The following SMARCB1 variants were observed in gnomAD, a reference collection of about 807,000 sequenced individuals.
The protein encoded by SMARCB1 is SWI/SNF related BAF chromatin remodeling complex subunit B1.
In SMARCB1, 5 loss-of-function variants were observed where a neutral mutation model predicts 49.0. The observed-to-expected ratio is 0.10, with a 90% CI of 0.05 to 0.21. The LOEUF is 0.21. Ranked by LOEUF, SMARCB1 falls within the 10% of genes least tolerant of loss-of-function variation. The pLI is 1.00. For missense variants in SMARCB1, 226 were observed against 509.2 expected (o/e 0.44, Z 5.35); for synonymous variants, 201 against 200.1 (o/e 1.00, Z -0.04).
chr22:23,811,896 G>T (rs910423245), intron 5 of SMARCB1, among the ~76,000 whole-genome samples: 3 of 152,052 alleles, frequency 2.0e-5, no homozygotes, highest in Non-Finnish European at 4.4e-5. Flanking sequence ...AAAACTAGCT[G>T]GTTTTTTGAA....
intron 7 of SMARCB1, among the ~76,000 whole-genome samples, chr22:23,832,400 C>G (rs1199179161): frequency 6.6e-6 from 1 of 152,236 alleles, no homozygotes; most frequent in Non-Finnish European, 1.5e-5. Flanking sequence ...GCGCCTCCCC[C>G]GAGTCCGGCC....
Position 23,834,922 on chromosome 22 carries a change from T to TC in SMARCB1, c.*743dup, listed in dbSNP as rs1761090102. Reference sequence around the variant, plus strand: ...CTACTGCCAGCTGGGGCCTTGCTGCTCTGAAGTCCCCTGCGGAGGGCCCAG... The same window carrying TC: ...CTACTGCCAGCTGGGGCCTTGCTGCTCCTGAAGTCCCCTGCGGAGGGCCCAG... On this transcript the variant is annotated 3_prime_UTR_variant, in exon 9 of 9. Transcript: ENST00000644036. 1.2e-6 allele frequency: 2 copies of TC among 1,609,796 alleles called. No homozygotes were observed. The highest frequency in any genetic ancestry group is 2.7e-5 in the African/African-American group (2 of 74,898).
At chr22:23,790,929 G>A (rs554299698) in intron 1 of SMARCB1, among the ~76,000 whole-genome samples, 2 of 152,218 alleles carry the variant, frequency 1.3e-5, no homozygotes, top group African/African-American at 4.8e-5. Context: ...AAACATAATA[G>A]AAGTGGTCCT....
At chr22:23,803,695 G>A (rs1929318752) in intron 5 of SMARCB1, 2 of 531,502 alleles carry the variant, frequency 3.8e-6, no homozygotes, top group Non-Finnish European at 6.9e-6. Context: ...TGCATAGCAT[G>A]GATGATGATG....
chr22:23,817,800 G>A (rs1052879109), intron 6 of SMARCB1: 1 of 145,518 alleles, frequency 6.9e-6, no homozygotes, highest in African/African-American at 2.6e-5. Flanking sequence ...AACTTCCTCT[G>A]TGGTCCCCCA....
At chr22:23,830,808 C>T (rs1412606971) in intron 7 of SMARCB1, among the ~76,000 whole-genome samples, 1 of 151,782 alleles carries the variant, frequency 6.6e-6, no homozygotes, top group African/African-American at 2.4e-5. Flanking sequence ...ACTACAGGCA[C>T]CTGCCACCAC....
At position 23,798,846 on chromosome 22, in the gene SMARCB1, C is replaced by G. The variant is rs571516673; in HGVS notation, c.363-2098C>G. Among the ~76,000 whole-genome samples the G allele has an allele frequency of 5.9e-5, 9 of 152,082 alleles. No individual in the cohort carries two copies. The East Asian group carries it at 1.7e-3, about 30-fold the overall frequency. On this transcript the variant is annotated intron_variant, in intron 3 of 8. Coordinates refer to ENST00000644036, the MANE Select transcript of SMARCB1 (RefSeq NM_003073.5). Reference sequence around the variant, plus strand: ...CGGGCGGATCACAAGGTCAGGAGATCGAGACCATCCTGGCTAACAGGGTGA... The same window carrying G: ...CGGGCGGATCACAAGGTCAGGAGATGGAGACCATCCTGGCTAACAGGGTGA...
chr22:23,793,533 G>T (rs2145963464), intron 2 of SMARCB1, 26 bp from the exon 3 acceptor site: 1 of 1,613,826 alleles, frequency 6.2e-7, no homozygotes, highest in South Asian at 1.1e-5. Context: ...CCAGCAGAGT[G>T]ACCCAGTGAT....
intron 5 of SMARCB1, among the ~76,000 whole-genome samples, chr22:23,810,171 C>CAA (rs541598564): frequency 1.6e-5 from 2 of 126,126 alleles, no homozygotes; most frequent in South Asian, 4.9e-4. Flanking sequence ...GACTCCAACT[C>CAA]AAAAAAAAAA....
intron 3 of SMARCB1, among the ~76,000 whole-genome samples, chr22:23,798,973 C>G (rs1928947038): frequency 6.6e-6 from 1 of 151,740 alleles, no homozygotes; most frequent in Admixed American, 6.6e-5. Flanking sequence ...TGGCGTGAAC[C>G]CGGGAGGCAG....
chr22:23,793,463 C>T (rs1367900215), intron 2 of SMARCB1, 96 bp from the exon 3 acceptor site: 3 of 1,311,242 alleles, frequency 2.3e-6, no homozygotes, highest in African/African-American at 2.9e-5. Flanking sequence ...TTCCCACCTC[C>T]CGCATGCGAG....
intron 6 of SMARCB1, among the ~76,000 whole-genome samples, chr22:23,818,963 C>T (rs1241162895): frequency 2.0e-5 from 3 of 151,886 alleles, no homozygotes; most frequent in Non-Finnish European, 4.4e-5. Flanking sequence ...GGTGCAGCCT[C>T]CTGAGTAGCT....
rs759500700 is a variant in SMARCB1, at chr22:23,836,071, G to C, written c.*1891G>C. The C allele has an allele frequency of 1.0e-6, 1 of 985,498 alleles. No homozygotes were observed. Among genetic ancestry groups the C allele is most frequent in the Non-Finnish European group, 1.2e-6 (1 of 829,968 alleles). 61.0% of individuals were successfully genotyped at this position (985,498 alleles called of 1,614,324 possible). ...CAAGGAAAGCTGCCAGGTCAGAAGA[G>C]AAAAATGAGCCACAGGGGTCGGATA... On this transcript the variant is annotated 3_prime_UTR_variant, in exon 9 of 9. Coordinates refer to ENST00000644036, the MANE Select transcript of SMARCB1 (RefSeq NM_003073.5).
Position 23,836,033 on chromosome 22 carries a change from A to G in SMARCB1, c.*1853A>G. 1 of 985,516 alleles carries G rather than the reference A, an allele frequency of 1.0e-6. No individual in the cohort carries two copies. Among genetic ancestry groups the G allele is most frequent in the Non-Finnish European group, 1.2e-6 (1 of 829,964 alleles). The allele number at this position is 985,516 out of a possible 1,614,324, so 61.0% of individuals were successfully genotyped here. ...TCCAGAAATAAACCACAACATGGAC[A>G]GGCTTAGAACAACAAGGAAAGCTGC... On this transcript the variant is annotated 3_prime_UTR_variant, in exon 9 of 9. Transcript: ENST00000644036.
At chr22:23,806,919 CAA>C (rs61000279) in intron 5 of SMARCB1, among the ~76,000 whole-genome samples, 969 of 86,798 alleles carry the variant, frequency 0.011, 9 homozygotes, top group South Asian at 0.095. Flanking sequence ...GACTCTATCT[CAA>C]AAAAAAAAAA....
intron 6 of SMARCB1, chr22:23,824,562 T>TCGAAAAA: frequency 6.5e-6 from 1 of 153,526 alleles, no homozygotes; most frequent in Admixed American, 6.4e-5. Context: ...CAGTCTGTGT[T>TCGAAAAA]CTCTCAGCTG....
chr22:23,830,574 G>T (rs557701850), intron 7 of SMARCB1, among the ~76,000 whole-genome samples: 61 of 151,524 alleles, frequency 4.0e-4, no homozygotes, highest in African/African-American at 1.4e-3. Flanking sequence ...CTCTCATTTG[G>T]AGGATTGCCT....
At chr22:23,809,883 A>C (rs1301933630) in intron 5 of SMARCB1, among the ~76,000 whole-genome samples, 1 of 151,726 alleles carries the variant, frequency 6.6e-6, no homozygotes, top group Admixed American at 6.6e-5. Flanking sequence ...ATGAAAGAAA[A>C]CTAAGTGCTG....
rs1003469972 is a variant in SMARCB1 at position 23,786,992 on chromosome 22, C to G, written c.-178C>G. 1.8e-5 allele frequency: 9 copies of G among 500,492 alleles called. No homozygotes were observed. The highest frequency in any genetic ancestry group is 3.2e-5 in the Non-Finnish European group (9 of 285,398). The allele number at this position is 500,492 out of a possible 1,614,324, so 31.0% of individuals were successfully genotyped here. On this transcript the variant is annotated 5_prime_UTR_variant, in exon 1 of 9. Coordinates refer to ENST00000644036, the MANE Select transcript of SMARCB1 (RefSeq NM_003073.5). ...CCAGCGCCTGCGCACTGAGGGCGGC[C>G]TGGTCGTCGTCTGCGGCGGCGGCGG...
Sources: gnomAD v4.1 joint callset for allele counts (sites outside exome capture counted in the v4.1 genomes callset) on GRCh38, gnomAD v4.1.1 for gene constraint, MANE v1.5 for transcripts, NCBI Gene and HGNC (gene_info 2026-07-23, HGNC 2026-07-21) for gene names.